Variants in PCDHGA11 observed in about 807,000 individuals in gnomAD.
The protein encoded by PCDHGA11 is protocadherin gamma subfamily A, 11.
A neutral mutation model predicts 60.4 loss-of-function variants in PCDHGA11; 39 were observed. The ratio of observed to expected loss-of-function variants is 0.65; its 90% CI spans 0.50 to 0.84. The LOEUF is 0.84. Among genes scored for constraint, PCDHGA11 ranks in the 40% least tolerant of loss-of-function variants. The pLI is 0.00. For missense variants in PCDHGA11, 1,165 were observed against 1,197.7 expected, an observed-to-expected ratio of 0.97 and a Z score of 0.40; for synonymous variants, 533 against 510.3, an observed-to-expected ratio of 1.04 and a Z score of -0.60.
rs1245526846 is a variant in PCDHGA11, at chr5:141,512,505, C to T, written c.*1332C>T. ...GCCACTGCCCAGGTCCCCAGTGCGCCCCCTAGTGGCCATAGCCTGGTTAAA... is the reference window on the plus strand; with the variant it reads ...GCCACTGCCCAGGTCCCCAGTGCGCTCCCTAGTGGCCATAGCCTGGTTAAA... On this transcript the variant is annotated 3_prime_UTR_variant, in exon 4 of 4. Transcript: ENST00000398587. The T allele has an allele frequency of 1.3e-5, 2 of 152,888 alleles. No individual in the cohort carries two copies. The highest frequency in any genetic ancestry group is 4.8e-5 in the African/African-American group (2 of 41,466). 9.5% of individuals were successfully genotyped at this position (152,888 alleles called of 1,614,324 possible). A position where few individuals can be genotyped will look rare whatever the true frequency, so the allele number is the denominator to read the frequency against.
chr5:141,423,240 A>G lies in PCDHGA11; in HGVS notation c.2013A>G (p.Glu671=), dbSNP rs1260661059. ...LTVAVADSIP[E]VLADLGSLES... is the part of the protein sequence containing the mutation. ...TGGCTGTGGCCGACAGCATCCCCGA[A>G]GTCCTGGCGGACCTCGGCAGCCTCG... Residue 671 remains glutamate (E), a synonymous_variant, in exon 1 of 4, where the codon GAA becomes GAG. Coordinates refer to ENST00000398587, the MANE Select transcript of PCDHGA11 (RefSeq NM_018914.3). The G allele has an allele frequency of 6.2e-7, 1 of 1,613,932 alleles. No homozygotes were observed. Among genetic ancestry groups the G allele is most frequent in the Middle Eastern group, 1.6e-4 (1 of 6,062 alleles).
chr5:141,456,746 T>C (rs548254725), intron 1 of PCDHGA11, among the ~76,000 whole-genome samples: 51 of 151,874 alleles, frequency 3.4e-4, no homozygotes, highest in African/African-American at 1.0e-3. Context: ...GGGAGCATCA[T>C]GAGGTCAGGA....
chr5:141,498,919 CG>C (rs2099786825), intron 2 of PCDHGA11, among the ~76,000 whole-genome samples: 1 of 122,240 alleles, frequency 8.2e-6, no homozygotes, highest in African/African-American at 3.1e-5. Context: ...GGTGACAGAG[CG>C]AGACTCCATC....
Position 141,489,652 on chromosome 5 carries a change from C to T in PCDHGA11, c.2434-5155C>T, listed in dbSNP as rs767143028. The T allele has an allele frequency of 3.1e-6, 5 of 1,614,024 alleles. No individual in the cohort carries two copies. Among genetic ancestry groups the T allele is most frequent in the Non-Finnish European group, 4.2e-6 (5 of 1,180,026 alleles). ...CTCTCCTAGCTTTGCCACCCCTGAG[C>T]GAGAGATGCGCATCTCAGAATCAGC... On this transcript the variant is annotated intron_variant, in intron 1 of 3. Coordinates refer to ENST00000398587, the MANE Select transcript of PCDHGA11 (RefSeq NM_018914.3). The surrounding 1 kb of genome is among the most constrained non-coding windows in gnomAD (Gnocchi z 4.5).
chr5:141,494,546 G>A (rs984336435), intron 1 of PCDHGA11, among the ~76,000 whole-genome samples: 7 of 152,152 alleles, frequency 4.6e-5, no homozygotes, highest in African/African-American at 1.2e-4. Context: ...GGAGGAAGGG[G>A]CCATTTCTTT....
intron 1 of PCDHGA11, among the ~76,000 whole-genome samples, chr5:141,470,011 C>T (rs2099218489): frequency 6.6e-6 from 1 of 152,144 alleles, no homozygotes; most frequent in Non-Finnish European, 1.5e-5. Context: ...CGCCTGTAAT[C>T]CCAGCTACTC....
rs138831045 is a variant in PCDHGA11 at position 141,462,238 on chromosome 5, G to A, written c.2434-32569G>A. Among the ~76,000 whole-genome samples the A allele has an allele frequency of 2.9e-3, 441 of 152,288 alleles. 3 individuals carry two copies. Among genetic ancestry groups the A allele is most frequent in the African/African-American group, 9.9e-3 (412 of 41,566 alleles). On this transcript the variant is annotated intron_variant, in intron 1 of 3. Coordinates refer to ENST00000398587, the MANE Select transcript of PCDHGA11 (RefSeq NM_018914.3). ...GCCTCCCAAAGTGCAGGGATTACAG[G>A]TATGAGCCACCATGACCAGCCTAAA...
At chr5:141,430,301 C>G (rs985986465) in intron 1 of PCDHGA11, among the ~76,000 whole-genome samples, 2 of 150,982 alleles carry the variant, frequency 1.3e-5, no homozygotes, top group Non-Finnish European at 2.9e-5. Context: ...AGCAGATGCA[C>G]TAACATTATA....
intron 2 of PCDHGA11, among the ~76,000 whole-genome samples, chr5:141,499,800 C>A (rs2099794584): frequency 6.6e-6 from 1 of 150,704 alleles, no homozygotes; most frequent in Admixed American, 6.7e-5. Context: ...AATTCTCATG[C>A]TTCAGCCTCC....
rs73792198 is a variant in PCDHGA11 at position 141,421,731 on chromosome 5, C to G, written c.504C>G (p.Leu168=). The G allele has an allele frequency of 6.2e-7, 1 of 1,613,742 alleles. No individual in the cohort carries two copies. The highest frequency in any genetic ancestry group is 8.5e-7 in the Non-Finnish European group (1 of 1,179,844). Residue 168 remains leucine, a synonymous_variant, in exon 1 of 4, where the codon CTC becomes CTG. Coordinates refer to ENST00000398587, the MANE Select transcript of PCDHGA11 (RefSeq NM_018914.3). ...ARDPDVGVNS[L]QSYQLSPNNY... The stretch of plus-strand genomic sequence containing the variant: ...ATCCAGATGTGGGCGTGAACTCCCT[C>G]CAGAGCTACCAGCTCAGCCCTAATA...
At chr5:141,472,778 G>T (rs1244170163) in intron 1 of PCDHGA11, among the ~76,000 whole-genome samples, 1 of 151,878 alleles carries the variant, frequency 6.6e-6, no homozygotes, top group Non-Finnish European at 1.5e-5. Flanking sequence ...CTGAGGTTGG[G>T]AGTTCAAGAT....
intron 1 of PCDHGA11, among the ~76,000 whole-genome samples, chr5:141,454,773 G>A (rs1272535268): frequency 6.9e-6 from 1 of 144,540 alleles, no homozygotes; most frequent in East Asian, 2.0e-4. Flanking sequence ...TTTTTTACAA[G>A]GAAATAATCC....
chr5:141,478,461 T>C, intron 1 of PCDHGA11: 1 of 1,613,254 alleles, frequency 6.2e-7, no homozygotes, highest in East Asian at 2.2e-5. Flanking sequence ...GCCAGTCCAC[T>C]GGCCAGCCGC....
intron 1 of PCDHGA11, among the ~76,000 whole-genome samples, chr5:141,467,954 C>T (rs1467826790): frequency 1.3e-5 from 2 of 152,070 alleles, no homozygotes; most frequent in Admixed American, 6.6e-5. Flanking sequence ...CCACCACACC[C>T]GGCTGCCAGA....
rs888389135 is a variant in PCDHGA11 at position 141,487,089 on chromosome 5, C to T, written c.2434-7718C>T. 12 of 1,613,882 alleles carry T rather than the reference C, an allele frequency of 7.4e-6. No individual in the cohort carries two copies. Among genetic ancestry groups the T allele is most frequent in the Non-Finnish European group, 1.0e-5 (12 of 1,179,768 alleles). On this transcript the variant is annotated intron_variant, in intron 1 of 3. Coordinates refer to ENST00000398587, the MANE Select transcript of PCDHGA11 (RefSeq NM_018914.3). The surrounding 1 kb of genome is among the most constrained non-coding windows in gnomAD (Gnocchi z 5.0). The stretch of plus-strand genomic sequence containing the variant: ...GCTGTTCCTATCCCAGCTGACCTCC[C>T]ACCACAGAAGCTGGTCATTGTGGTA...
Position 141,422,846 on chromosome 5 carries a change from A to T in PCDHGA11, c.1619A>T (p.Asp540Val). ...AGAGTGATAGCACGTGACAGCGGGG[A>T]CCCGCCCCTCAGCAGCAACGTGTCG... ...ELRVIARDSG[D>V]PPLSSNVSLS... is the part of the protein sequence containing the mutation. Residue 540 changes from aspartate (D) to valine (V), a missense_variant, in exon 1 of 4, where the codon GAC (aspartate) becomes GTC (valine). Physicochemically the swap from Asp to Val is radical, Grantham distance 152. Coordinates refer to ENST00000398587, the MANE Select transcript of PCDHGA11 (RefSeq NM_018914.3). 2.5e-6 allele frequency: 4 copies of T among 1,614,102 alleles called. No individual in the cohort carries two copies. The highest frequency in any genetic ancestry group is 3.4e-6 in the Non-Finnish European group (4 of 1,180,018).
intron 2 of PCDHGA11, among the ~76,000 whole-genome samples, chr5:141,501,061 G>T (rs746369272): frequency 1.5e-4 from 23 of 152,118 alleles, no homozygotes; most frequent in Non-Finnish European, 2.1e-4. Flanking sequence ...TAGAGACGGG[G>T]TTTCACCATG....
At chr5:141,503,679 G>A (rs562303239) in intron 2 of PCDHGA11, among the ~76,000 whole-genome samples, 1 of 152,054 alleles carries the variant, frequency 6.6e-6, no homozygotes, top group East Asian at 1.9e-4. Context: ...CCACTTTTGG[G>A]AAGGAGAATT....
chr5:141,506,832 C>T (rs1398190563), intron 3 of PCDHGA11, among the ~76,000 whole-genome samples: 1 of 152,130 alleles, frequency 6.6e-6, no homozygotes, highest in African/African-American at 2.4e-5. Flanking sequence ...GAACTGATAG[C>T]CCTGCCCTCC....
Sources: allele counts gnomAD v4.1 joint callset (sites outside exome capture counted in the v4.1 genomes callset), GRCh38; gene constraint gnomAD v4.1.1; non-coding constraint Gnocchi (gnomAD v3.1); transcripts MANE v1.5; gene names NCBI Gene and HGNC (gene_info 2026-07-23, HGNC 2026-07-21).